Variants in IGSF5 observed in about 807,000 individuals in gnomAD.
IGSF5 encodes immunoglobulin superfamily member 5.
In IGSF5, 41 loss-of-function variants were observed where a neutral mutation model predicts 39.4. The observed-to-expected ratio is 1.04, with a 90% CI of 0.81 to 1.35. The LOEUF (loss-of-function observed/expected upper bound fraction) is 1.35. Ranked by LOEUF, IGSF5 falls within the 40% of genes most tolerant of loss-of-function variation. IGSF5 has a pLI of 0.00. For synonymous variants in IGSF5, 183 were observed against 175.3 expected, an observed-to-expected ratio of 1.04 and a Z score of -0.34; for missense variants, 487 against 494.6, an observed-to-expected ratio of 0.98 and a Z score of 0.15.
upstream of IGSF5, among the ~76,000 whole-genome samples, chr21:39,742,702 G>A (rs955228994): frequency 6.6e-6 from 1 of 152,284 alleles, no homozygotes; most frequent in East Asian, 1.9e-4. Flanking sequence ...GCCCTATTAG[G>A]CATTCGATTT....
chr21:39,761,823 C>T (rs62237175), intron 2 of IGSF5, among the ~76,000 whole-genome samples: 63,983 of 151,814 alleles, frequency 0.42, 13,843 homozygotes, highest in Non-Finnish European at 0.48. Context: ...CACATGCTAA[C>T]ACACACGGCT....
intron 4 of IGSF5, among the ~76,000 whole-genome samples, chr21:39,778,370 AAT>A (rs1051769713): frequency 2.6e-5 from 4 of 152,154 alleles, no homozygotes; most frequent in African/African-American, 9.7e-5. Context: ...AAAGAATCAA[AAT>A]GGCTTTTTCC....
At chr21:39,772,834 G>T (rs1226034161) in intron 4 of IGSF5, among the ~76,000 whole-genome samples, 4 of 152,172 alleles carry the variant, frequency 2.6e-5, no homozygotes, top group South Asian at 4.1e-4. Flanking sequence ...ATTGGCGTAA[G>T]TTTGACCGTT....
chr21:39,767,328 G>A (rs2080091798), intron 3 of IGSF5, among the ~76,000 whole-genome samples: 1 of 151,954 alleles, frequency 6.6e-6, no homozygotes, highest in African/African-American at 2.4e-5. Context: ...GGCTAAAGAT[G>A]GTTTGATGAC....
At chr21:39,735,652 T>C in the IGSF5 span, among the ~76,000 whole-genome samples, 9 of 152,184 alleles carry the variant, frequency 5.9e-5, no homozygotes, top group Non-Finnish European at 1.3e-4. Context: ...ATTTAAGTCA[T>C]GAATGAAGGA....
the IGSF5 span, among the ~76,000 whole-genome samples, chr21:39,724,218 C>G: frequency 1.3e-5 from 2 of 152,132 alleles, no homozygotes; most frequent in Non-Finnish European, 2.9e-5. Context: ...ACTTATTCCT[C>G]TTTATATGAG....
At chr21:39,723,314 A>T in the IGSF5 span, among the ~76,000 whole-genome samples, 47,121 of 152,012 alleles carry the variant, frequency 0.31, 7,897 homozygotes, top group Middle Eastern at 0.5. Context: ...CTCAGTCTTG[A>T]TTGCTTGCCA....
At chr21:39,726,966 A>G in the IGSF5 span, among the ~76,000 whole-genome samples, 5 of 152,324 alleles carry the variant, frequency 3.3e-5, no homozygotes, top group South Asian at 1.0e-3. Flanking sequence ...ATGGCTCAGC[A>G]AAGTTGCCAG....
chr21:39,762,880 C>A (rs1021836608), intron 2 of IGSF5, among the ~76,000 whole-genome samples: 3 of 151,980 alleles, frequency 2.0e-5, no homozygotes, highest in Admixed American at 1.3e-4. Context: ...TTAGTGACAA[C>A]CATAGCTAGT....
At position 39,765,958 on chromosome 21, in the gene IGSF5, A is replaced by G. The variant is rs865976495; in HGVS notation, c.418+106A>G. On this transcript the variant is annotated intron_variant, in intron 3 of 8. Coordinates refer to ENST00000380588, the MANE Select transcript of IGSF5 (RefSeq NM_001080444.2). ...ATGATGGCAGACGTGGTCTACCTTC[A>G]GTTGGTGTTGACCTACAATTATTCT... The G allele has an allele frequency of 4.0e-5, 41 of 1,031,690 alleles. No homozygotes were observed. In the Middle Eastern group the frequency reaches 1.7e-3, roughly 44 times the overall value. The allele number at this position is 1,031,690 out of a possible 1,614,324, so 63.9% of individuals were successfully genotyped here.
chr21:39,757,757 C>T (rs1399237910), intron 2 of IGSF5, among the ~76,000 whole-genome samples: 2 of 151,886 alleles, frequency 1.3e-5, no homozygotes, highest in Non-Finnish European at 2.9e-5. Flanking sequence ...TTGTATTTTC[C>T]ATAGAGATGG....
intron 2 of IGSF5, among the ~76,000 whole-genome samples, chr21:39,758,053 C>T (rs551998610): frequency 1.3e-5 from 2 of 152,234 alleles, no homozygotes; most frequent in East Asian, 1.9e-4. Flanking sequence ...TTTATTTTCC[C>T]GGGGCCAGGA....
At chr21:39,749,731 G>A (rs1444683459) in intron 2 of IGSF5, among the ~76,000 whole-genome samples, 12 of 152,320 alleles carry the variant, frequency 7.9e-5, no homozygotes, top group Admixed American at 3.3e-4. Context: ...CAAGTTGTAG[G>A]TAGACAAGAG....
At chr21:39,784,380 T>C (rs999931482) in intron 5 of IGSF5, among the ~76,000 whole-genome samples, 5 of 152,216 alleles carry the variant, frequency 3.3e-5, no homozygotes, top group African/African-American at 1.2e-4. Context: ...TCAGCTTTTG[T>C]CTGTTCTATA....
the IGSF5 span, among the ~76,000 whole-genome samples, chr21:39,736,904 A>G: frequency 6.6e-6 from 1 of 152,188 alleles, no homozygotes; most frequent in Admixed American, 6.5e-5. Context: ...CGACTGACGC[A>G]TGATGACAGA....
the IGSF5 span, among the ~76,000 whole-genome samples, chr21:39,737,733 C>T: frequency 7.2e-5 from 11 of 152,146 alleles, no homozygotes; most frequent in East Asian, 5.8e-4. Context: ...GGATATGTAT[C>T]GTTGCAGCGT....
In IGSF5 at chr21:39,792,004, G is replaced by T. The variant is rs552084453; in HGVS notation, c.957-4G>T. The T allele has an allele frequency of 3.1e-5, 49 of 1,595,870 alleles. No homozygotes were observed. Among genetic ancestry groups the T allele is most frequent in the Non-Finnish European group, 3.9e-5 (46 of 1,167,382 alleles). ...AACATGAACATAAAATGGTCTAATT[G>T]TAGGAAATCTGAAAAAGAGAAGACA... On this transcript the variant is annotated splice_region_variant and splice_polypyrimidine_tract_variant and intron_variant, in intron 6 of 8. Transcript: ENST00000380588.
rs55912264 is a variant in IGSF5 at position 39,781,330 on chromosome 21, A to G, written c.934+2025A>G. Among the ~76,000 whole-genome samples the G allele has an allele frequency of 3.4e-3, 519 of 152,290 alleles. 3 individuals carry two copies. Among genetic ancestry groups the G allele is most frequent in the African/African-American group, 0.011 (454 of 41,558 alleles). ...ATTTCCTTCCTTTCTTATTACAGCT[A>G]TATGGTTATCCATTGTGTAGATGTA... is the stretch of plus-strand genomic sequence containing the variant. On this transcript the variant is annotated intron_variant, in intron 5 of 8. Transcript: ENST00000380588.
At chr21:39,761,449 C>A (rs188505675) in intron 2 of IGSF5, among the ~76,000 whole-genome samples, 1 of 152,268 alleles carries the variant, frequency 6.6e-6, no homozygotes, top group Non-Finnish European at 1.5e-5. Flanking sequence ...AGAGAAATTG[C>A]CAACAGAGTA....
Sources: allele counts gnomAD v4.1 joint callset (sites outside exome capture counted in the v4.1 genomes callset), GRCh38; gene constraint gnomAD v4.1.1; transcripts MANE v1.5; gene names NCBI Gene and HGNC (gene_info 2026-07-23, HGNC 2026-07-21).